Variants in CHRNA7 observed in about 807,000 individuals in gnomAD.
The protein encoded by CHRNA7 is neuronal acetylcholine receptor subunit alpha-7.
CHRNA7 carries 17 observed loss-of-function variants against 48.0 expected under a neutral mutation model. The observed-to-expected ratio is 0.35, with a 90% CI of 0.24 to 0.53. The LOEUF (loss-of-function observed/expected upper bound fraction) is 0.53, where lower values mean the gene tolerates loss of function less well. CHRNA7 is among the 20% of genes least tolerant of loss of function. The probability of loss-of-function intolerance (pLI) is 0.92; values close to 1 mark genes in which losing one functional copy is unlikely to be tolerated. For missense variants in CHRNA7, 155 were observed against 577.7 expected, an observed-to-expected ratio of 0.27 and a Z score of 7.50; for synonymous variants, 75 against 242.3, an observed-to-expected ratio of 0.31 and a Z score of 6.41.
At chr15:32,068,754 C>T (rs2050006505) in intron 2 of CHRNA7, among the ~76,000 whole-genome samples, 2 of 151,606 alleles carry the variant, frequency 1.3e-5, no homozygotes, top group African/African-American at 2.4e-5. Flanking sequence ...AGTGTTACTA[C>T]AGACTAAAAA....
chr15:32,131,331 G>A (rs1234895161), intron 4 of CHRNA7, among the ~76,000 whole-genome samples: 2 of 151,508 alleles, frequency 1.3e-5, no homozygotes, highest in Non-Finnish European at 2.9e-5. Flanking sequence ...TTTTGTTATG[G>A]CTTCACACCC....
intron 2 of CHRNA7, among the ~76,000 whole-genome samples, chr15:32,068,721 T>G (rs960078387): frequency 6.7e-6 from 1 of 149,892 alleles, no homozygotes; most frequent in African/African-American, 2.5e-5. Context: ...AGACTCCATC[T>G]CGGGGAAAAA....
At chr15:32,146,021 A>T (rs542003243) in intron 4 of CHRNA7, among the ~76,000 whole-genome samples, 1 of 152,240 alleles carries the variant, frequency 6.6e-6, no homozygotes, top group Non-Finnish European at 1.5e-5. Flanking sequence ...GCTGCAGACC[A>T]GAGCTGTTCT....
rs561077658 is a variant in CHRNA7 at position 32,078,885 on chromosome 15, C to T, written c.196-22418C>T. ...TCAGGCCAATATCCCTGATGAACTT[C>T]GATGCAAAAACCCTCAATAAAATAC... On this transcript the variant is annotated intron_variant, in intron 2 of 9. Coordinates refer to ENST00000306901, the MANE Select transcript of CHRNA7 (RefSeq NM_000746.6). 3.3e-5 allele frequency among the ~76,000 whole-genome samples: 5 copies of T among 152,196 alleles called. No individual in the cohort carries two copies. The East Asian group carries it at 5.8e-4, about 18-fold the overall frequency.
chr15:32,055,784 C>G (rs1411627395), intron 2 of CHRNA7, among the ~76,000 whole-genome samples: 1 of 152,086 alleles, frequency 6.6e-6, no homozygotes, highest in African/African-American at 2.4e-5. Flanking sequence ...TCGAGACCAT[C>G]CTGGCTAACA....
intron 4 of CHRNA7, among the ~76,000 whole-genome samples, chr15:32,131,854 C>A (rs905414975): frequency 6.6e-6 from 1 of 152,138 alleles, no homozygotes; most frequent in Non-Finnish European, 1.5e-5. Context: ...AGGGAGGACA[C>A]CACCCCTGCT....
At chr15:32,040,551 T>C (rs2049428918) in intron 2 of CHRNA7, among the ~76,000 whole-genome samples, 2 of 151,824 alleles carry the variant, frequency 1.3e-5, no homozygotes, top group South Asian at 2.1e-4. Flanking sequence ...CTTCCTCCTG[T>C]CCCTTGTACC....
intron 2 of CHRNA7, among the ~76,000 whole-genome samples, chr15:32,036,835 CT>C (rs969288476): frequency 1.4e-4 from 21 of 149,554 alleles, no homozygotes; most frequent in African/African-American, 4.9e-4. Context: ...GATGACAGTC[CT>C]TTATCAGGTA....
chr15:32,069,619 C>G (rs2050022014), intron 2 of CHRNA7, among the ~76,000 whole-genome samples: 1 of 152,150 alleles, frequency 6.6e-6, no homozygotes. Context: ...TGCACTCCAG[C>G]CTGGGTGATG....
At chr15:32,112,247 C>A in intron 4 of CHRNA7, 1 of 472,238 alleles carries the variant, frequency 2.1e-6, no homozygotes, top group South Asian at 1.5e-5. Context: ...CAGTTATGAC[C>A]AACAGCAGGA....
chr15:32,145,489 T>G (rs1054111584), intron 4 of CHRNA7, among the ~76,000 whole-genome samples: 5 of 152,218 alleles, frequency 3.3e-5, no homozygotes, highest in Non-Finnish European at 5.9e-5. Context: ...GCAGAAGTTG[T>G]CTGCTGCCTT....
At chr15:32,104,721 C>T (rs757820766) in intron 3 of CHRNA7, among the ~76,000 whole-genome samples, 16 of 152,124 alleles carry the variant, frequency 1.1e-4, no homozygotes, top group African/African-American at 2.7e-4. Context: ...GCTTGGGTAG[C>T]GTGACACAAC....
At chr15:32,114,636 A>G (rs2050837164) in intron 4 of CHRNA7, among the ~76,000 whole-genome samples, 1 of 152,234 alleles carries the variant, frequency 6.6e-6, no homozygotes, top group Non-Finnish European at 1.5e-5. Context: ...GTAACTGCTA[A>G]ATATATGGCC....
intron 4 of CHRNA7, among the ~76,000 whole-genome samples, chr15:32,139,108 G>C (rs1257323859): frequency 2.0e-5 from 3 of 152,094 alleles, no homozygotes; most frequent in Non-Finnish European, 4.4e-5. Flanking sequence ...CATATAATTG[G>C]AATCTTACAG....
intron 2 of CHRNA7, among the ~76,000 whole-genome samples, chr15:32,075,251 C>A (rs1230232641): frequency 6.6e-6 from 1 of 152,114 alleles, no homozygotes; most frequent in Admixed American, 6.5e-5. Context: ...TTTCCTCTTT[C>A]AAATTGTGGA....
chr15:32,126,276 G>T (rs1429438230), intron 4 of CHRNA7, among the ~76,000 whole-genome samples: 1 of 152,156 alleles, frequency 6.6e-6, no homozygotes, highest in South Asian at 2.1e-4. Context: ...ATGACTATGA[G>T]CTAGTTAAAT....
At chr15:32,151,567 G>A (rs1041556306) in intron 4 of CHRNA7, among the ~76,000 whole-genome samples, 13 of 152,110 alleles carry the variant, frequency 8.5e-5, no homozygotes, top group Middle Eastern at 3.4e-3. Flanking sequence ...TGAGTGAGGC[G>A]AGTTCCCCCA....
rs749361514 is a variant in CHRNA7, at chr15:32,030,931, A to G, written c.89A>G (p.Tyr30Cys). 13 of 1,614,104 alleles carry G rather than the reference A, an allele frequency of 8.1e-6. No individual in the cohort carries two copies. The highest frequency in any genetic ancestry group is 1.1e-5 in the South Asian group (1 of 91,090). Residue 30 changes from tyrosine (Y) to cysteine (C), a missense_variant, in exon 2 of 10, where the codon TAC (tyrosine) becomes TGC (cysteine). By Grantham distance (194) the Tyr-to-Cys change is radical. Coordinates refer to ENST00000306901, the MANE Select transcript of CHRNA7 (RefSeq NM_000746.6). ...CAAGGCGAGTTCCAGAGGAAGCTTT[A>G]CAAGGAGCTGGTCAAGAACTACAAT... The part of the protein sequence containing the change: ...SLQGEFQRKL[Y>C]KELVKNYNPL...
At chr15:32,078,435 G>A (rs2050166706) in intron 2 of CHRNA7, among the ~76,000 whole-genome samples, 2 of 152,036 alleles carry the variant, frequency 1.3e-5, no homozygotes, top group Admixed American at 6.6e-5. Flanking sequence ...TTTCGTATGT[G>A]GATGTGAGTT....
Sources: gnomAD v4.1 joint callset for allele counts (sites outside exome capture counted in the v4.1 genomes callset) on GRCh38, gnomAD v4.1.1 for gene constraint, MANE v1.5 for transcripts, NCBI Gene and HGNC (gene_info 2026-07-23, HGNC 2026-07-21) for gene names.